MAP2K4: variants seen among roughly 807,000 people sequenced by gnomAD.
MAP2K4 encodes the protein dual specificity mitogen-activated protein kinase kinase 4.
A neutral mutation model predicts 48.5 loss-of-function variants in MAP2K4; 4 were observed. That is an observed-to-expected ratio of 0.08 (90% confidence interval 0.04 to 0.19). The LOEUF (loss-of-function observed/expected upper bound fraction) is 0.19. Among genes scored for constraint, MAP2K4 ranks in the 10% least tolerant of loss-of-function variants. MAP2K4 has a pLI of 1.00. For missense variants in MAP2K4, 258 were observed against 493.3 expected, an observed-to-expected ratio of 0.52 and a Z score of 4.52; for synonymous variants, 166 against 173.1, an observed-to-expected ratio of 0.96 and a Z score of 0.32.
chr17:12,117,209 CATT>C (rs1250362095), intron 7 of MAP2K4, among the ~76,000 whole-genome samples: 1 of 152,086 alleles, frequency 6.6e-6, no homozygotes, highest in Non-Finnish European at 1.5e-5. Flanking sequence ...ACCACGATAT[CATT>C]ACCACACCTA....
At chr17:12,120,577 G>A (rs1972657922) in intron 7 of MAP2K4, among the ~76,000 whole-genome samples, 1 of 139,846 alleles carries the variant, frequency 7.2e-6, no homozygotes, top group African/African-American at 2.6e-5. Flanking sequence ...ATGAAAATGT[G>A]TAATGGACTC....
intron 2 of MAP2K4, 98 bp downstream of exon 2, chr17:12,055,089 C>A: frequency 2.9e-6 from 2 of 685,096 alleles, no homozygotes; most frequent in Admixed American, 2.7e-5. Flanking sequence ...AGTATAATTT[C>A]TCTGACTAAA....
chr17:12,114,753 A>G (rs959919438), intron 7 of MAP2K4, among the ~76,000 whole-genome samples: 1 of 152,210 alleles, frequency 6.6e-6, no homozygotes, highest in South Asian at 2.1e-4. Flanking sequence ...TGAAAATGCA[A>G]TTGCAGCCCA....
At chr17:12,100,180 C>T (rs1048996720) in intron 4 of MAP2K4, among the ~76,000 whole-genome samples, 23 of 152,172 alleles carry the variant, frequency 1.5e-4, no homozygotes, top group Non-Finnish European at 8.8e-5. Context: ...TGAATATGCC[C>T]ATCACTTACG....
At chr17:12,133,912 G>A (rs1438194080) in intron 9 of MAP2K4, among the ~76,000 whole-genome samples, 1 of 152,210 alleles carries the variant, frequency 6.6e-6, no homozygotes, top group African/African-American at 2.4e-5. Context: ...AATGCCTTCT[G>A]TGCTAGATCT....
At chr17:12,045,768 G>T (rs1969941345) in intron 1 of MAP2K4, among the ~76,000 whole-genome samples, 1 of 152,166 alleles carries the variant, frequency 6.6e-6, no homozygotes, top group African/African-American at 2.4e-5. Flanking sequence ...AGAGACCACT[G>T]TTGACTGTTG....
intron 6 of MAP2K4, among the ~76,000 whole-genome samples, chr17:12,112,852 T>A (rs1393084982): frequency 6.6e-6 from 1 of 152,218 alleles, no homozygotes; most frequent in East Asian, 1.9e-4. Flanking sequence ...TTTTTTTTGA[T>A]ATTCAGTTTT....
chr17:12,093,006 A>C (rs974002663), intron 3 of MAP2K4, among the ~76,000 whole-genome samples: 2 of 152,174 alleles, frequency 1.3e-5, no homozygotes, highest in African/African-American at 2.4e-5. Flanking sequence ...GGCCTGGGCG[A>C]AAGAGCAAGA....
At chr17:12,077,514 T>C (rs1486825756) in intron 2 of MAP2K4, among the ~76,000 whole-genome samples, 1 of 152,190 alleles carries the variant, frequency 6.6e-6, no homozygotes, top group Non-Finnish European at 1.5e-5. Flanking sequence ...GTGTAGTAGC[T>C]TCACTGTTAT....
intron 1 of MAP2K4, among the ~76,000 whole-genome samples, chr17:12,052,798 A>G (rs1447562420): frequency 6.6e-6 from 1 of 152,188 alleles, no homozygotes; most frequent in East Asian, 1.9e-4. Flanking sequence ...ACGATTTGCC[A>G]TATTAAGGTA....
At chr17:12,079,619 T>A (rs990384803) in intron 2 of MAP2K4, among the ~76,000 whole-genome samples, 3 of 152,198 alleles carry the variant, frequency 2.0e-5, no homozygotes, top group Non-Finnish European at 4.4e-5. Context: ...TGCTTCTGAT[T>A]TACAAGTAAT....
chr17:12,036,897 C>T (rs1377813355), intron 1 of MAP2K4, among the ~76,000 whole-genome samples: 3 of 126,400 alleles, frequency 2.4e-5, no homozygotes, highest in East Asian at 3.2e-4. Flanking sequence ...TCCTCCCCCC[C>T]GCCACCTTTT....
At chr17:12,082,062 A>G in intron 3 of MAP2K4, 1 of 414,372 alleles carries the variant, frequency 2.4e-6, no homozygotes, top group South Asian at 1.7e-5. Context: ...CCCTGGTTTT[A>G]AAGTTGTACT....
In MAP2K4 at chr17:12,141,553, A is replaced by C; in HGVS notation, c.*293A>C. ...CGATCAAGTTGTTGACTGTGATTAGATCACATCTTAAATTCATTTCTAGAC... is the reference window on the plus strand; with the variant it reads ...CGATCAAGTTGTTGACTGTGATTAGCTCACATCTTAAATTCATTTCTAGAC... On this transcript the variant is annotated 3_prime_UTR_variant, in exon 11 of 11. Coordinates refer to ENST00000353533, the MANE Select transcript of MAP2K4 (RefSeq NM_003010.4). 1 of 389,342 alleles carries C rather than the reference A, an allele frequency of 2.6e-6. No individual in the cohort carries two copies. Among genetic ancestry groups the C allele is most frequent in the Non-Finnish European group, 4.7e-6 (1 of 213,566 alleles). 24.1% of individuals were successfully genotyped at this position (389,342 alleles called of 1,614,324 possible).
intron 2 of MAP2K4, among the ~76,000 whole-genome samples, chr17:12,064,309 T>G (rs2151533608): frequency 6.6e-6 from 1 of 152,182 alleles, no homozygotes; most frequent in African/African-American, 2.4e-5. Flanking sequence ...GGTTTTGAAC[T>G]CTCCTTAAGT....
At chr17:12,061,503 T>G (rs1024798967) in intron 2 of MAP2K4, among the ~76,000 whole-genome samples, 15 of 152,184 alleles carry the variant, frequency 9.9e-5, no homozygotes, top group African/African-American at 3.6e-4. Flanking sequence ...CCCTTGAGAT[T>G]CACATTCCCT....
intron 1 of MAP2K4, among the ~76,000 whole-genome samples, chr17:12,029,976 A>G (rs1969381273): frequency 6.6e-6 from 1 of 152,070 alleles, no homozygotes; most frequent in African/African-American, 2.4e-5. Context: ...AGTGAATATT[A>G]TATCATAACT....
chr17:12,056,486 C>T (rs1970286014), intron 2 of MAP2K4, among the ~76,000 whole-genome samples: 1 of 151,956 alleles, frequency 6.6e-6, no homozygotes, highest in Non-Finnish European at 1.5e-5. Context: ...AACCTATAGC[C>T]AGCTAGATTT....
At chr17:12,098,402 C>T (rs909532863) in intron 4 of MAP2K4, among the ~76,000 whole-genome samples, 2 of 150,860 alleles carry the variant, frequency 1.3e-5, no homozygotes, top group African/African-American at 2.4e-5. Flanking sequence ...CGCTTGAATC[C>T]AGGAGGCGGA....
Sources: allele counts gnomAD v4.1 joint callset (sites outside exome capture counted in the v4.1 genomes callset), GRCh38; gene constraint gnomAD v4.1.1; transcripts MANE v1.5; gene names NCBI Gene and HGNC (gene_info 2026-07-23, HGNC 2026-07-21).